The following CDH13 variants were observed in gnomAD, a reference collection of about 807,000 sequenced individuals.
CDH13 encodes the protein cadherin-13.
In CDH13, 24 loss-of-function variants were observed where a neutral mutation model predicts 63.8. The ratio of observed to expected loss-of-function variants is 0.38; its 90% CI spans 0.27 to 0.53. CDH13 has a LOEUF of 0.53. Among genes scored for constraint, CDH13 ranks in the 20% least tolerant of loss-of-function variants. CDH13 has a pLI of 0.85. For synonymous variants in CDH13, 503 were observed against 355.3 expected (o/e 1.42, Z -4.67); for missense variants, 1,049 against 903.1 (o/e 1.16, Z -2.07).
chr16:82,660,658 G>A (rs1348702450), intron 1 of CDH13, among the ~76,000 whole-genome samples: 1 of 152,116 alleles, frequency 6.6e-6, no homozygotes, highest in African/African-American at 2.4e-5. Flanking sequence ...GTATACCTGG[G>A]ACCAAAGACC....
Position 83,719,746 on chromosome 16 carries a change from C to A in CDH13, c.1539-28362C>A, listed in dbSNP as rs147324395. Reference sequence around the variant, plus strand: ...TGCCATGTCCTCAGATACCATTATACCAGATGCCATTCCTTAAGCCCCTGA... The same window carrying A: ...TGCCATGTCCTCAGATACCATTATAACAGATGCCATTCCTTAAGCCCCTGA... On this transcript the variant is annotated intron_variant, in intron 10 of 13. Transcript: ENST00000567109. 1.1e-3 allele frequency among the ~76,000 whole-genome samples: 162 copies of A among 152,264 alleles called. 1 individual carries two copies. The highest frequency in any genetic ancestry group is 3.4e-3 in the Middle Eastern group (1 of 294).
intron 2 of CDH13, among the ~76,000 whole-genome samples, chr16:82,902,166 T>A (rs556411183): frequency 3.3e-4 from 51 of 152,268 alleles, no homozygotes; most frequent in African/African-American, 1.1e-3. Flanking sequence ...GGTGATTTGT[T>A]AAAAGCTTAA....
intron 1 of CDH13, among the ~76,000 whole-genome samples, chr16:82,638,511 G>A (rs978850111): frequency 1.3e-5 from 2 of 152,172 alleles, no homozygotes; most frequent in African/African-American, 4.8e-5. Flanking sequence ...CTATGCTTAA[G>A]AAATGTTGGT....
chr16:83,093,287 A>C, intron 3 of CDH13, among the ~76,000 whole-genome samples: 1 of 140,394 alleles, frequency 7.1e-6, no homozygotes, highest in Non-Finnish European at 1.5e-5. Context: ...TGGAAACACC[A>C]TAAGTACTTT....
intron 10 of CDH13, among the ~76,000 whole-genome samples, chr16:83,711,626 G>A (rs1362479374): frequency 2.0e-5 from 3 of 152,042 alleles, no homozygotes; most frequent in Non-Finnish European, 2.9e-5. Flanking sequence ...AGCGATTCTC[G>A]TGCCTCAGCT....
intron 5 of CDH13, among the ~76,000 whole-genome samples, chr16:83,250,694 C>T (rs1905422507): frequency 6.6e-6 from 1 of 151,988 alleles, no homozygotes; most frequent in African/African-American, 2.4e-5. Context: ...TGAATAAATC[C>T]AAGAGGAAAG....
At chr16:82,643,464 T>G (rs576971623) in intron 1 of CDH13, among the ~76,000 whole-genome samples, 91 of 152,198 alleles carry the variant, frequency 6.0e-4, no homozygotes, top group Non-Finnish European at 1.2e-3. Flanking sequence ...AAGTGGTAGT[T>G]TCAGGATTAA....
chr16:82,685,472 C>T (rs1425857777), intron 1 of CDH13, among the ~76,000 whole-genome samples: 4 of 152,188 alleles, frequency 2.6e-5, no homozygotes, highest in African/African-American at 9.7e-5. Context: ...AGACATTTAA[C>T]ATATGGATGT....
chr16:83,108,553 C>A (rs761297588), intron 3 of CDH13, among the ~76,000 whole-genome samples: 1 of 152,206 alleles, frequency 6.6e-6, no homozygotes, highest in Non-Finnish European at 1.5e-5. Flanking sequence ...AGGGCACAAA[C>A]TTCCTTAGGC....
chr16:83,758,954 A>C (rs550060582), intron 11 of CDH13, among the ~76,000 whole-genome samples: 1 of 152,220 alleles, frequency 6.6e-6, no homozygotes, highest in Non-Finnish European at 1.5e-5. Context: ...TTGAAATGAC[A>C]ATTCTTTTCA....
chr16:83,669,413 G>C (rs962472710), intron 8 of CDH13, among the ~76,000 whole-genome samples: 2 of 152,118 alleles, frequency 1.3e-5, no homozygotes, highest in Non-Finnish European at 2.9e-5. Context: ...TATGATTTTT[G>C]TGAGAAGAGA....
chr16:82,773,250 G>C (rs376838613), intron 1 of CDH13: 4 of 152,230 alleles, frequency 2.6e-5, no homozygotes, highest in African/African-American at 9.6e-5. Flanking sequence ...TGTCCCTCTT[G>C]TTCTTTGTGG....
intron 11 of CDH13, among the ~76,000 whole-genome samples, chr16:83,752,299 G>A (rs984410431): frequency 9.8e-5 from 15 of 152,320 alleles, no homozygotes; most frequent in East Asian, 5.8e-4. Context: ...TACCAGAAGC[G>A]AGAGCCTTCT....
At chr16:83,420,855 C>G (rs1234163575) in intron 6 of CDH13, among the ~76,000 whole-genome samples, 2 of 152,156 alleles carry the variant, frequency 1.3e-5, no homozygotes, top group East Asian at 1.9e-4. Context: ...AGTCCAAAGG[C>G]TGAAGAATGT....
At chr16:83,401,871 T>A (rs1337470499) in intron 6 of CDH13, among the ~76,000 whole-genome samples, 1 of 152,178 alleles carries the variant, frequency 6.6e-6, no homozygotes, top group East Asian at 1.9e-4. Flanking sequence ...TGTATAAACA[T>A]TTTTTGTATG....
intron 2 of CDH13, among the ~76,000 whole-genome samples, chr16:83,017,595 A>G (rs2151448213): frequency 6.6e-6 from 1 of 152,344 alleles, no homozygotes; most frequent in South Asian, 2.1e-4. Context: ...GAAAGAAATA[A>G]TGTTTATCAA....
At chr16:83,571,698 C>G (rs141372214) in intron 7 of CDH13, among the ~76,000 whole-genome samples, 5 of 152,288 alleles carry the variant, frequency 3.3e-5, no homozygotes, top group African/African-American at 1.2e-4. Context: ...AGTTTATTCT[C>G]CCTTTTTCCT....
chr16:83,443,762 A>ATATATATG (rs1466430701), intron 6 of CDH13, among the ~76,000 whole-genome samples: 3 of 139,250 alleles, frequency 2.2e-5, no homozygotes, highest in African/African-American at 8.1e-5. Flanking sequence ...ATATATATAT[A>ATATATATG]TGGAGAGAAA....
At chr16:83,562,937 T>C (rs2075733677) in intron 7 of CDH13, among the ~76,000 whole-genome samples, 1 of 152,224 alleles carries the variant, frequency 6.6e-6, no homozygotes, top group South Asian at 2.1e-4. Context: ...CTGGATTTTG[T>C]CCTGAGCTTT....
Sources: gnomAD v4.1 joint callset for allele counts (sites outside exome capture counted in the v4.1 genomes callset) on GRCh38, gnomAD v4.1.1 for gene constraint, MANE v1.5 for transcripts, NCBI Gene and HGNC (gene_info 2026-07-23, HGNC 2026-07-21) for gene names.